Variants in SEH1L observed in about 807,000 individuals in gnomAD.
SEH1L encodes the protein SEH1 like nucleoporin.
Under a neutral mutation model 49.5 loss-of-function variants are expected in SEH1L, and 18 were observed. That is an observed-to-expected ratio of 0.36 (90% CI 0.25 to 0.54). The LOEUF (loss-of-function observed/expected upper bound fraction) is 0.54. Among genes scored for constraint, SEH1L ranks in the 20% least tolerant of loss-of-function variants. SEH1L has a pLI of 0.87. For synonymous variants in SEH1L, 169 were observed against 178.1 expected (o/e 0.95, Z 0.41); for missense variants, 404 against 528.8 (o/e 0.76, Z 2.31).
intron 1 of SEH1L, among the ~76,000 whole-genome samples, chr18:12,949,890 C>T (rs1404521159): frequency 6.6e-6 from 1 of 152,144 alleles, no homozygotes; most frequent in Non-Finnish European, 1.5e-5. Flanking sequence ...GCACCCTGTT[C>T]CGCCACCCCA....
intron 1 of SEH1L, among the ~76,000 whole-genome samples, chr18:12,951,414 G>A (rs1438671300): frequency 1.3e-5 from 2 of 152,124 alleles, no homozygotes; most frequent in Non-Finnish European, 2.9e-5. Flanking sequence ...TTTTTGAGAC[G>A]GAGTCTTGCT....
intron 4 of SEH1L, among the ~76,000 whole-genome samples, chr18:12,965,075 G>A (rs143183668): frequency 0.043 from 5,125 of 119,780 alleles, 104 homozygotes; most frequent in Middle Eastern, 0.14. Flanking sequence ...GTGCAGTGGC[G>A]CAATCTAGGC....
chr18:12,973,840 T>C lies in SEH1L; in HGVS notation c.620+2589T>C, dbSNP rs565418906. Reference sequence around the variant, plus strand: ...ATTTTCCACTTTTTTCTTGCTGTCATGCTTAGTACACTGGTGATAGCTCCC... The same window carrying C: ...ATTTTCCACTTTTTTCTTGCTGTCACGCTTAGTACACTGGTGATAGCTCCC... On this transcript the variant is annotated intron_variant, in intron 5 of 8. Coordinates refer to ENST00000399892, the MANE Select transcript of SEH1L (RefSeq NM_001013437.2). 3 of 152,342 alleles carry C rather than the reference T, an allele frequency of 2.0e-5. No individual in the cohort carries two copies. The South Asian group carries it at 6.2e-4, about 32-fold the overall frequency. The allele number at this position is 152,342 out of a possible 1,614,324, so 9.4% of individuals were successfully genotyped here.
At chr18:12,983,903 A>T in intron 7 of SEH1L, 137 bp from the exon 8 acceptor site, 1 of 550,966 alleles carries the variant, frequency 1.8e-6, no homozygotes. Flanking sequence ...AAGTGTCTTT[A>T]ATGTTTATCC....
At chr18:12,980,828 C>T (rs1483341907) in intron 6 of SEH1L, among the ~76,000 whole-genome samples, 75 of 118,998 alleles carry the variant, frequency 6.3e-4, no homozygotes, top group East Asian at 1.7e-3. Flanking sequence ...GGGGCTGACC[C>T]CCCCACTTCC....
intron 1 of SEH1L, among the ~76,000 whole-genome samples, chr18:12,951,554 C>G: frequency 6.6e-6 from 1 of 152,162 alleles, no homozygotes; most frequent in Non-Finnish European, 1.5e-5. Flanking sequence ...CCATGCCTGG[C>G]TAATTTTTGT....
At chr18:12,956,557 G>T in intron 3 of SEH1L, among the ~76,000 whole-genome samples, 2 of 147,112 alleles carry the variant, frequency 1.4e-5, no homozygotes, top group Non-Finnish European at 3.0e-5. Flanking sequence ...TCAGGAAACA[G>T]AATATAGTTT....
chr18:12,960,803 T>G (rs994010416), intron 3 of SEH1L, among the ~76,000 whole-genome samples: 1 of 152,352 alleles, frequency 6.6e-6, no homozygotes, highest in East Asian at 1.9e-4. Flanking sequence ...ATTAATATAT[T>G]AGCAGTGGCA....
chr18:12,967,489 G>A (rs1244911673), intron 4 of SEH1L, among the ~76,000 whole-genome samples: 6 of 152,186 alleles, frequency 3.9e-5, no homozygotes, highest in Non-Finnish European at 7.3e-5. Context: ...AACGTGAGGC[G>A]AACTGACTAA....
At chr18:12,964,987 T>C (rs549624301) in intron 4 of SEH1L, among the ~76,000 whole-genome samples, 1 of 150,818 alleles carries the variant, frequency 6.6e-6, no homozygotes, top group African/African-American at 2.4e-5. Flanking sequence ...CCCCCTCACA[T>C]TGCCCCTTCC....
intron 4 of SEH1L, among the ~76,000 whole-genome samples, chr18:12,969,548 C>T (rs1367683167): frequency 6.6e-6 from 1 of 151,834 alleles, no homozygotes; most frequent in Non-Finnish European, 1.5e-5. Flanking sequence ...ATTAGCTGGG[C>T]GTGGTGGCGC....
chr18:12,965,048 C>G (rs1163820942), intron 4 of SEH1L, among the ~76,000 whole-genome samples: 1 of 118,892 alleles, frequency 8.4e-6, no homozygotes, highest in Non-Finnish European at 1.6e-5. Context: ...GAGTCTCGCT[C>G]TGTCACCCAG....
At position 12,982,566 on chromosome 18, in the gene SEH1L, A is replaced by G. The variant is rs779706273; in HGVS notation, c.810A>G (p.Ile270Met). ...SGGPTKFEIH[I>M]VAQFDNHNSQ... is the part of the protein sequence containing the mutation. ...GGCCAACAAAGTTTGAAATCCATAT[A>G]GTGGCTCAGTTCGATAATCATAATT... The change falls in exon 7 of 9, where the codon ATA becomes ATG. Residue 270 changes from isoleucine (I) to methionine (M), a missense_variant. By Grantham distance (10) the Ile-to-Met change is conservative (BLOSUM62 1). Transcript: ENST00000399892. The G allele has an allele frequency of 2.5e-6, 4 of 1,613,980 alleles. No individual in the cohort carries two copies. Among genetic ancestry groups the G allele is most frequent in the Non-Finnish European group, 3.4e-6 (4 of 1,179,858 alleles).
chr18:12,963,735 C>G (rs1425372364), intron 4 of SEH1L, among the ~76,000 whole-genome samples: 1 of 152,226 alleles, frequency 6.6e-6, no homozygotes, highest in African/African-American at 2.4e-5. Context: ...TTGATTGAGA[C>G]AGAGTATTGC....
intron 2 of SEH1L, among the ~76,000 whole-genome samples, chr18:12,952,757 C>G (rs1468353788): frequency 3.3e-5 from 5 of 151,176 alleles, no homozygotes; most frequent in Non-Finnish European, 7.4e-5. Flanking sequence ...CTCTCCCCTC[C>G]CCTCCCACCC....
chr18:12,983,008 T>A (rs866819986), intron 7 of SEH1L: 1 of 159,980 alleles, frequency 6.3e-6, no homozygotes, highest in African/African-American at 2.4e-5. Flanking sequence ...GCTCCTTTTT[T>A]ATCAAATAAA....
intron 3 of SEH1L, 66 bp from the exon 4 acceptor site, chr18:12,963,094 T>G (rs1308571360): frequency 8.7e-7 from 1 of 1,155,986 alleles, no homozygotes; most frequent in Non-Finnish European, 1.2e-6. Context: ...AGAGTCTGTG[T>G]GTCTTTTCCA....
intron 3 of SEH1L, among the ~76,000 whole-genome samples, chr18:12,959,714 G>A (rs1471044050): frequency 6.6e-6 from 1 of 152,082 alleles, no homozygotes; most frequent in Non-Finnish European, 1.5e-5. Flanking sequence ...TTAAAATTTT[G>A]AAGTCTAGTT....
intron 6 of SEH1L, among the ~76,000 whole-genome samples, chr18:12,982,067 T>C (rs1253074198): frequency 2.0e-5 from 3 of 152,126 alleles, no homozygotes; most frequent in African/African-American, 7.2e-5. Flanking sequence ...GGTTTCGCCA[T>C]GTTGGCCAGG....
Sources: gnomAD v4.1 joint callset for allele counts (sites outside exome capture counted in the v4.1 genomes callset) on GRCh38, gnomAD v4.1.1 for gene constraint, MANE v1.5 for transcripts, NCBI Gene and HGNC (gene_info 2026-07-23, HGNC 2026-07-21) for gene names.